Variants in IFNGR1 observed in about 807,000 individuals in gnomAD.
IFNGR1 encodes AVP, type 2.
Under a neutral mutation model 35.4 loss-of-function variants are expected in IFNGR1, and 23 were observed. The ratio of observed to expected loss-of-function variants is 0.65; its 90% CI spans 0.47 to 0.92. IFNGR1 has a LOEUF of 0.92. Among genes scored for constraint, IFNGR1 ranks in the 40% least tolerant of loss-of-function variants. The pLI, the probability that IFNGR1 is intolerant of heterozygous loss-of-function variation, is 0.00. For missense variants in IFNGR1, 533 were observed against 583.4 expected (o/e 0.91, Z 0.89); for synonymous variants, 199 against 209.5 (o/e 0.95, Z 0.43).
intron 1 of IFNGR1, chr6:137,209,837 C>A: frequency 2.5e-6 from 1 of 398,702 alleles, no homozygotes. Flanking sequence ...TTCTATAGTA[C>A]AGGAATAGAT....
Position 137,203,608 on chromosome 6 carries a change from T to C in IFNGR1, c.624A>G (p.Ser208=), listed in dbSNP as rs1485266794. Residue 208 remains serine (S), a synonymous_variant, in exon 5 of 7, where the codon TCA becomes TCG. Coordinates refer to ENST00000367739, the MANE Select transcript of IFNGR1 (RefSeq NM_000416.3). ...CTGAAACACAGTACTGAGAATTCAG[T>C]GAGGATACTGGAATCGCTAACTGGC... ...IQCQLAIPVS[S]LNSQYCVSAE... The C allele has an allele frequency of 1.9e-6, 3 of 1,611,690 alleles. No individual in the cohort carries two copies. The highest frequency in any genetic ancestry group is 1.3e-5 in the African/African-American group (1 of 74,868).
At position 137,219,331 on chromosome 6, in the gene IFNGR1, G is replaced by A. The variant is rs762262685; in HGVS notation, c.-4C>T. ...GTAGGAGAAAGAGGAGAGCCATGCT[G>A]CTACCGACGGTCGCTGGCTCCAACC... is the stretch of plus-strand genomic sequence containing the variant. On this transcript the variant is annotated 5_prime_UTR_variant, in exon 1 of 7. Transcript: ENST00000367739. 1 of 1,603,014 alleles carries A rather than the reference G, an allele frequency of 6.2e-7. No homozygotes were observed.
intron 5 of IFNGR1, 151 bp from the exon 6 acceptor site, chr6:137,201,159 T>C: frequency 1.2e-6 from 1 of 817,216 alleles, no homozygotes; most frequent in Non-Finnish European, 2.0e-6. Flanking sequence ...AGTTAGGAAA[T>C]CTGAGTAAAA....
chr6:137,207,676 A>G (rs944547714), intron 1 of IFNGR1, among the ~76,000 whole-genome samples: 1 of 152,170 alleles, frequency 6.6e-6, no homozygotes, highest in Non-Finnish European at 1.5e-5. Flanking sequence ...GCCACCATGT[A>G]AGAAGTGCCT....
Position 137,206,963 on chromosome 6 carries a change from C to A in IFNGR1, c.200G>T (p.Gly67Val). The change falls in exon 2 of 7, where the codon GGT (glycine) becomes GTT (valine). Residue 67 changes from glycine (G) to valine (V), a missense_variant and splice_region_variant. Coordinates refer to ENST00000367739, the MANE Select transcript of IFNGR1 (RefSeq NM_000416.3). ...PVFTVEVKNY[G>V]VKNSEWIDAC... ...GGATAAATAAAAGAGTGACACTCAC[C>A]CATAGTTCTTTACCTCTACGGTAAA... The A allele has an allele frequency of 6.3e-7, 1 of 1,596,026 alleles. No individual in the cohort carries two copies. The highest frequency in any genetic ancestry group is 8.6e-7 in the Non-Finnish European group (1 of 1,163,646).
rs182331931 is a variant in IFNGR1 at position 137,213,387 on chromosome 6, G to C, written c.85+5856C>G. On this transcript the variant is annotated intron_variant, in intron 1 of 6. Transcript: ENST00000367739. ...AGTGTATTACATCTGCATACTATCC[G>C]GAGTAAACTTTAGCTATTTTAAGAT... Among the ~76,000 whole-genome samples, 3 of 152,178 alleles carry C rather than the reference G, an allele frequency of 2.0e-5. No homozygotes were observed. The South Asian group carries it at 6.2e-4, about 32-fold the overall frequency.
At position 137,219,261 on chromosome 6, in the gene IFNGR1, C is replaced by T. The variant is rs1331566701; in HGVS notation, c.67G>A (p.Asp23Asn). 11 of 1,611,198 alleles carry T rather than the reference C, an allele frequency of 6.8e-6. No individual in the cohort carries two copies. The highest frequency in any genetic ancestry group is 3.3e-5 in the South Asian group (3 of 90,366). ...GVSRAEMGTA[D>N]LGPSSVPTPT... is the part of the protein sequence containing the mutation. ...ACGGTACCTGAGGACGGCCCCAGATCCGCGGTGCCCATCTCAGCCCTGCTC... is the reference window on the plus strand; with the variant it reads ...ACGGTACCTGAGGACGGCCCCAGATTCGCGGTGCCCATCTCAGCCCTGCTC... The change falls in exon 1 of 7, where the codon GAT (aspartate) becomes AAT (asparagine). Residue 23 changes from aspartate to asparagine, a missense_variant. Asp to Asn is a conservative substitution (Grantham distance 23, BLOSUM62 1). Coordinates refer to ENST00000367739, the MANE Select transcript of IFNGR1 (RefSeq NM_000416.3).
At chr6:137,208,615 T>G (rs1187650892) in intron 1 of IFNGR1, among the ~76,000 whole-genome samples, 1 of 152,206 alleles carries the variant, frequency 6.6e-6, no homozygotes, top group African/African-American at 2.4e-5. Flanking sequence ...AGCTTCCACA[T>G]GGTGTTGAGC....
chr6:137,197,829 T>C lies in IFNGR1; in HGVS notation c.*202A>G, dbSNP rs558402122. On this transcript the variant is annotated 3_prime_UTR_variant, in exon 7 of 7. Transcript: ENST00000367739. ...CATAAGTTACAATGCTTTTTTTGTT[T>C]AAAAAAAAAAAAAAGTCTGTACTTT... 2.0e-6 allele frequency: 1 copy of C among 491,420 alleles called. No homozygotes were observed. The allele number at this position is 491,420 out of a possible 1,614,324, so 30.4% of individuals were successfully genotyped here. A position where few individuals can be genotyped will look rare whatever the true frequency, so the allele number is the denominator to read the frequency against.
intron 6 of IFNGR1, among the ~76,000 whole-genome samples, chr6:137,200,349 C>T (rs1424282025): frequency 3.3e-5 from 5 of 152,312 alleles, no homozygotes; most frequent in African/African-American, 7.2e-5. Context: ...CAAACTCCTA[C>T]GTTAGTCTCA....
At position 137,204,375 on chromosome 6, in the gene IFNGR1, T is replaced by C. The variant is rs1562285739; in HGVS notation, c.503A>G (p.Tyr168Cys). 2.5e-6 allele frequency: 4 copies of C among 1,614,004 alleles called. No individual in the cohort carries two copies. In the South Asian group the frequency reaches 4.4e-5, roughly 18 times the overall value. ...EVDYDPETTCYIRVYNVYVRM... is the reference protein window; with the variant it reads ...EVDYDPETTCCIRVYNVYVRM... Reference sequence around the variant, plus strand: ...CACATACACATTGTACACCCTAATGTAACAGGTAGTTTCGGGATCATAATC... The same window carrying C: ...CACATACACATTGTACACCCTAATGCAACAGGTAGTTTCGGGATCATAATC... The change falls in exon 4 of 7, where the codon TAC (tyrosine) becomes TGC (cysteine). Residue 168 changes from tyrosine (Y) to cysteine (C), a missense_variant. Physicochemically the swap from Tyr to Cys is radical, Grantham distance 194 (BLOSUM62 -2). Transcript: ENST00000367739.
intron 6 of IFNGR1, 129 bp downstream of exon 6, chr6:137,200,752 T>C (rs567999422): frequency 5.0e-6 from 4 of 797,466 alleles, no homozygotes; most frequent in South Asian, 1.9e-5. Flanking sequence ...GCATGTGTGG[T>C]AGACTGACTG....
chr6:137,208,706 C>G (rs1319005135), intron 1 of IFNGR1, among the ~76,000 whole-genome samples: 1 of 152,196 alleles, frequency 6.6e-6, no homozygotes, highest in East Asian at 1.9e-4. Context: ...TGCCTGGATG[C>G]CCAGGCAAAA....
intron 1 of IFNGR1, chr6:137,218,361 A>T (rs922494073): frequency 3.5e-6 from 2 of 567,286 alleles, no homozygotes; most frequent in Non-Finnish European, 6.1e-6. Flanking sequence ...ACTTCAGAAA[A>T]GCCACCCTCA....
At chr6:137,201,536 G>A (rs545907676) in intron 5 of IFNGR1, among the ~76,000 whole-genome samples, 1 of 152,228 alleles carries the variant, frequency 6.6e-6, no homozygotes, top group East Asian at 1.9e-4. Context: ...AGCTGGGTGT[G>A]GTGGCATGCG....
At chr6:137,219,156 G>A in intron 1 of IFNGR1, 87 bp downstream of exon 1, 3 of 1,518,360 alleles carry the variant, frequency 2.0e-6, no homozygotes, top group Admixed American at 3.9e-5. Flanking sequence ...CGACCTCGGA[G>A]AAGCGGGGCG....
At chr6:137,206,004 G>T (rs1053480650) in intron 3 of IFNGR1, 132 bp downstream of exon 3, 1 of 777,172 alleles carries the variant, frequency 1.3e-6, no homozygotes, top group Non-Finnish European at 2.2e-6. Flanking sequence ...AACCTGTACT[G>T]ACTCTAAATT....
rs1488394610 is a variant in IFNGR1, at chr6:137,198,370, C to A, written c.1131G>T (p.Glu377Asp). 6.2e-7 allele frequency: 1 copy of A among 1,614,022 alleles called. No individual in the cohort carries two copies. The highest frequency in any genetic ancestry group is 2.2e-5 in the East Asian group (1 of 44,898). ...PGSHLTPIER[E>D]SSSPLSSNQS... ...GGTTACTACTTAAAGGTGAAGAACT[C>A]TCTCTCTCTATTGGAGTCAGATGGC... Residue 377 changes from glutamate (E) to aspartate (D), a missense_variant, in exon 7 of 7, where the codon GAG (glutamate) becomes GAT (aspartate). Physicochemically the swap from Glu to Asp is conservative, Grantham distance 45. Transcript: ENST00000367739.
In IFNGR1 at chr6:137,203,530, A is replaced by G. The variant is rs758968474; in HGVS notation, c.702T>C (p.Val234=). 6.2e-7 allele frequency: 1 copy of G among 1,611,082 alleles called. No homozygotes were observed. Among genetic ancestry groups the G allele is most frequent in the South Asian group, 1.1e-5 (1 of 91,026 alleles). ...TACTGCTATTGAAAATGGTAATACA[A>G]ACTTCTTTTGACTTTTCAGTTGTAA... ...WGVTTEKSKE[V]CITIFNSSIK... The change falls in exon 5 of 7, where the codon GTT becomes GTC. Residue 234 remains valine, a synonymous_variant. Coordinates refer to ENST00000367739, the MANE Select transcript of IFNGR1 (RefSeq NM_000416.3).
Sources: allele counts gnomAD v4.1 joint callset (sites outside exome capture counted in the v4.1 genomes callset), GRCh38; gene constraint gnomAD v4.1.1; transcripts MANE v1.5; gene names NCBI Gene and HGNC (gene_info 2026-07-23, HGNC 2026-07-21).